Variants in SHANK2 observed in about 807,000 individuals in gnomAD.
The protein encoded by SHANK2 is SH3 and multiple ankyrin repeat domains protein 2.
A neutral mutation model predicts 133.7 loss-of-function variants in SHANK2; 43 were observed. That is an observed-to-expected ratio of 0.32 (90% CI 0.25 to 0.41). The LOEUF (loss-of-function observed/expected upper bound fraction) is 0.41, where lower values mean the gene tolerates loss of function less well. Among genes scored for constraint, SHANK2 ranks in the 10% least tolerant of loss-of-function variants. The pLI is 1.00. For missense variants in SHANK2, 1,994 were observed against 2,235.8 expected (o/e 0.89, Z 2.18); for synonymous variants, 1,017 against 952.8 (o/e 1.07, Z -1.24).
At chr11:70,740,848 C>A (rs1946508333) in intron 14 of SHANK2, among the ~76,000 whole-genome samples, 1 of 152,266 alleles carries the variant, frequency 6.6e-6, no homozygotes, top group East Asian at 1.9e-4. Flanking sequence ...TCCTATCCAG[C>A]AGATGGGAAA....
intron 25 of SHANK2, among the ~76,000 whole-genome samples, chr11:70,475,450 T>C (rs2058650724): frequency 1.3e-5 from 2 of 152,232 alleles, no homozygotes; most frequent in Admixed American, 6.5e-5. Context: ...GCTGCTGGTC[T>C]AGTCTGTCTC....
intron 17 of SHANK2, among the ~76,000 whole-genome samples, chr11:70,515,878 A>T (rs1157038008): frequency 1.3e-5 from 2 of 152,100 alleles, no homozygotes; most frequent in East Asian, 3.8e-4. Context: ...TTGTTCTCTG[A>T]TCATTTCAGA....
At chr11:71,122,159 G>A (rs1332115734) in intron 3 of SHANK2, among the ~76,000 whole-genome samples, 1 of 152,138 alleles carries the variant, frequency 6.6e-6, no homozygotes, top group Non-Finnish European at 1.5e-5. Context: ...TATACCCAAA[G>A]GATTATAAAT....
chr11:70,488,158 G>A (rs539232852), intron 24 of SHANK2, among the ~76,000 whole-genome samples: 2 of 152,298 alleles, frequency 1.3e-5, no homozygotes, highest in East Asian at 3.9e-4. Context: ...TAGACCAGGA[G>A]GTATCCTTCC....
intron 3 of SHANK2, among the ~76,000 whole-genome samples, chr11:71,120,501 C>T (rs1345895560): frequency 1.1e-4 from 17 of 151,680 alleles, no homozygotes; most frequent in African/African-American, 3.7e-4. Context: ...GATCCTGGGA[C>T]GGCCAACAGG....
At chr11:70,704,492 A>T (rs1555024486) in intron 14 of SHANK2, among the ~76,000 whole-genome samples, 1 of 152,142 alleles carries the variant, frequency 6.6e-6, no homozygotes, top group Non-Finnish European at 1.5e-5. Flanking sequence ...TGGTCTAGGG[A>T]TCCTGCTGGA....
At chr11:71,085,470 ATATAATATATATGT>A (rs1234514015) in intron 8 of SHANK2, among the ~76,000 whole-genome samples, 4 of 126,428 alleles carry the variant, frequency 3.2e-5, no homozygotes, top group African/African-American at 1.2e-4. Context: ...ATATATATAT[ATATAATATATATGT>A]TATATAATAT....
At chr11:70,510,845 A>T (rs571107015) in intron 17 of SHANK2, among the ~76,000 whole-genome samples, 2 of 152,214 alleles carry the variant, frequency 1.3e-5, no homozygotes, top group South Asian at 4.1e-4. Flanking sequence ...GTGTGACTCC[A>T]TTTTCCGGAC....
intron 14 of SHANK2, among the ~76,000 whole-genome samples, chr11:70,782,191 A>G (rs572619306): frequency 1.7e-4 from 26 of 152,232 alleles, no homozygotes; most frequent in African/African-American, 6.0e-4. Flanking sequence ...CAGCCTCCTG[A>G]GTAGCTGGGA....
chr11:70,736,119 G>A (rs1439904640), intron 14 of SHANK2, among the ~76,000 whole-genome samples: 1 of 151,640 alleles, frequency 6.6e-6, no homozygotes, highest in Admixed American at 6.6e-5. Flanking sequence ...GCCAAGCCCA[G>A]TGGCAGAGGA....
intron 17 of SHANK2, among the ~76,000 whole-genome samples, chr11:70,643,910 C>T (rs12274337): frequency 0.069 from 9,550 of 138,624 alleles, 482 homozygotes; most frequent in African/African-American, 0.15. Flanking sequence ...TAAGGGACTG[C>T]AGGTGGAGGG....
intron 17 of SHANK2, among the ~76,000 whole-genome samples, chr11:70,583,528 C>T (rs80178232): frequency 0.02 from 3,027 of 152,302 alleles, 52 homozygotes; most frequent in East Asian, 0.042. Flanking sequence ...AAGGGGCTGG[C>T]TGACTTCTGG....
rs1226060211 is a variant in SHANK2 at position 70,507,841 on chromosome 11, G to C, written c.2062-4910C>G. 4.6e-5 allele frequency among the ~76,000 whole-genome samples: 7 copies of C among 152,236 alleles called. No individual in the cohort carries two copies. The East Asian group carries it at 1.3e-3, about 29-fold the overall frequency. On this transcript the variant is annotated intron_variant, in intron 17 of 25. Coordinates refer to ENST00000601538, the MANE Select transcript of SHANK2 (RefSeq NM_012309.5). ...TCCCAGTGACGCGCGTTTGTAATTA[G>C]ACCCTAAATACCATCAAGACACTAA...
chr11:70,790,221 T>C (rs147717402), intron 14 of SHANK2, among the ~76,000 whole-genome samples: 60 of 152,280 alleles, frequency 3.9e-4, no homozygotes, highest in Non-Finnish European at 7.2e-4. Context: ...GATGAGGAAA[T>C]TGATGTCTTG....
At chr11:70,943,194 C>A in intron 10 of SHANK2, 1 of 429,062 alleles carries the variant, frequency 2.3e-6, no homozygotes. Context: ...CAGTCACCGA[C>A]ATGTTCAAAG....
chr11:71,227,045 A>G lies in SHANK2; in HGVS notation c.-112-2249T>C, dbSNP rs74839567. Among the ~76,000 whole-genome samples the G allele has an allele frequency of 6.1e-3, 934 of 152,258 alleles. 17 individuals are homozygous for G. In the East Asian group the frequency reaches 0.069, roughly 11 times the overall value. On this transcript the variant is annotated intron_variant, in intron 1 of 25. Coordinates refer to ENST00000601538, the MANE Select transcript of SHANK2 (RefSeq NM_012309.5). ...ATTACAATAGATGATAAAATTAAGTATACATGATATAATGCCTAGAGCAAC... is the reference window on the plus strand; with the variant it reads ...ATTACAATAGATGATAAAATTAAGTGTACATGATATAATGCCTAGAGCAAC...
At chr11:70,893,248 A>AAG (rs1555075067) in intron 11 of SHANK2, among the ~76,000 whole-genome samples, 1 of 152,246 alleles carries the variant, frequency 6.6e-6, no homozygotes, top group African/African-American at 2.4e-5. Context: ...ACAATGGGCA[A>AAG]AGACCCGCAT....
intron 11 of SHANK2, among the ~76,000 whole-genome samples, chr11:70,866,616 A>C (rs1459450555): frequency 6.6e-6 from 1 of 152,160 alleles, no homozygotes; most frequent in East Asian, 1.9e-4. Context: ...CGAGGAGAGC[A>C]ATTTACAAGG....
intron 17 of SHANK2, among the ~76,000 whole-genome samples, chr11:70,577,453 C>T (rs1173787646): frequency 1.3e-5 from 2 of 152,208 alleles, no homozygotes; most frequent in Admixed American, 6.5e-5. Flanking sequence ...AGCCTCAATT[C>T]CACTGCAAAT....
Sources: gnomAD v4.1 joint callset for allele counts (sites outside exome capture counted in the v4.1 genomes callset) on GRCh38, gnomAD v4.1.1 for gene constraint, MANE v1.5 for transcripts, NCBI Gene and HGNC (gene_info 2026-07-23, HGNC 2026-07-21) for gene names.